The following CDC42BPB variants were observed in gnomAD, a reference collection of about 807,000 sequenced individuals.
The protein encoded by CDC42BPB is CDC42 binding protein kinase beta.
A neutral mutation model predicts 214.9 loss-of-function variants in CDC42BPB; 37 were observed. That is an observed-to-expected ratio of 0.17 (90% CI 0.13 to 0.23). The LOEUF is 0.23. Among genes scored for constraint, CDC42BPB ranks in the 10% least tolerant of loss-of-function variants. The pLI, the probability that CDC42BPB is intolerant of heterozygous loss-of-function variation, is 1.00. For synonymous variants in CDC42BPB, 931 were observed against 884.0 expected (o/e 1.05, Z -0.94); for missense variants, 1,694 against 2,227.0 (o/e 0.76, Z 4.82).
In CDC42BPB at chr14:102,974,038, TGCCGGACCACGCGGTGCTGCTTCTCCA is replaced by T. The variant is rs1893613962; in HGVS notation, c.1592_1618del (p.Leu531_Arg539del). 1 of 1,611,180 alleles carries T rather than the reference TGCCGGACCACGCGGTGCTGCTTCTCCA, an allele frequency of 6.2e-7. No homozygotes were observed. Among genetic ancestry groups the T allele is most frequent in the Admixed American group, 1.7e-5 (1 of 58,872 alleles). Reference sequence around the variant, plus strand: ...TACCTTGTGCAGCTCCTCCTTCTCCTGCCGGACCACGCGGTGCTGCTTCTCCAGCCCCCGCAGCCGCTGCGTGGAGTC... The same window carrying T: ...TACCTTGTGCAGCTCCTCCTTCTCCTGCCCCCGCAGCCGCTGCGTGGAGTC... On this transcript the variant is annotated inframe_deletion, in exon 12 of 37. Transcript: ENST00000361246.
At position 102,944,053 on chromosome 14, in the gene CDC42BPB, G is replaced by A. The variant is rs1326806291; in HGVS notation, c.4246C>T (p.Leu1416Phe). Residue 1416 changes from leucine (L) to phenylalanine (F), a missense_variant, in exon 30 of 37, where the codon CTT becomes TTT. Leu to Phe is a conservative substitution (Grantham distance 22). This residue lies in a region of CDC42BPB where 567 missense variants were observed against 790.3 expected (regional missense o/e 0.72). Coordinates refer to ENST00000361246, the MANE Select transcript of CDC42BPB (RefSeq NM_006035.4). This position sits in a 1 kb window ranked among gnomAD's most constrained non-coding sequence, Gnocchi z 6.6. ...LNLVNPNDPS[L>F]AFLSQQSFDA... ...AAAGACTGTTGTGAGAGGAACGCAAGCGAGGGGTCATTGGGATTTACCAGG... is the reference window on the plus strand; with the variant it reads ...AAAGACTGTTGTGAGAGGAACGCAAACGAGGGGTCATTGGGATTTACCAGG... 3 of 1,613,608 alleles carry A rather than the reference G, an allele frequency of 1.9e-6. No homozygotes were observed. In the South Asian group the frequency reaches 3.3e-5, roughly 18 times the overall value.
intron 6 of CDC42BPB, among the ~76,000 whole-genome samples, chr14:102,985,576 T>C (rs780417446): frequency 6.6e-6 from 1 of 152,230 alleles, no homozygotes; most frequent in Non-Finnish European, 1.5e-5. Context: ...AACAAGAGAC[T>C]GGCTTTGTGG....
At chr14:102,935,560 C>T (rs371541183) in intron 36 of CDC42BPB, among the ~76,000 whole-genome samples, 17 of 152,134 alleles carry the variant, frequency 1.1e-4, no homozygotes, top group East Asian at 1.9e-4. Flanking sequence ...GAGGCCAAGG[C>T]GGGCAGATCA....
intron 13 of CDC42BPB, among the ~76,000 whole-genome samples, chr14:102,971,677 A>G (rs776083778): frequency 2.0e-5 from 3 of 152,210 alleles, no homozygotes; most frequent in Non-Finnish European, 2.9e-5. Context: ...AGCACAGCAT[A>G]AACACCCTCT....
In CDC42BPB at chr14:102,962,233, G is replaced by C. The variant is rs555827805; in HGVS notation, c.2821+828C>G. Among the ~76,000 whole-genome samples, 68 of 152,326 alleles carry C rather than the reference G, an allele frequency of 4.5e-4. No individual in the cohort carries two copies. The South Asian group carries it at 0.013, about 29-fold the overall frequency. On this transcript the variant is annotated intron_variant, in intron 20 of 36. Transcript: ENST00000361246. The stretch of plus-strand genomic sequence containing the variant: ...GGAACGTCACTGCACAGCCTCTGGA[G>C]GCCTGTCCGTCAGCATGCAGCAAGA...
At chr14:103,038,674 G>A (rs978314229) in intron 1 of CDC42BPB, among the ~76,000 whole-genome samples, 1 of 126,442 alleles carries the variant, frequency 7.9e-6, no homozygotes, top group African/African-American at 3.0e-5. Context: ...CTACAGGTGA[G>A]CACCACCATG....
intron 1 of CDC42BPB, among the ~76,000 whole-genome samples, chr14:103,026,875 A>G (rs1398876302): frequency 6.6e-6 from 1 of 152,078 alleles, no homozygotes; most frequent in African/African-American, 2.4e-5. Context: ...CTCATTAAAA[A>G]AAAAAAAAAA....
intron 27 of CDC42BPB, chr14:102,946,904 C>G: frequency 1.0e-6 from 1 of 983,190 alleles, no homozygotes; most frequent in Non-Finnish European, 1.2e-6. Flanking sequence ...AGATCGCTTC[C>G]TGGTCCCATT....
At chr14:103,038,593 C>T (rs1383507582) in intron 1 of CDC42BPB, among the ~76,000 whole-genome samples, 1 of 151,896 alleles carries the variant, frequency 6.6e-6, no homozygotes, top group East Asian at 1.9e-4. Context: ...GCAGCATGAG[C>T]TCGGCTTACT....
At chr14:102,976,178 T>G (rs1206535108) in intron 9 of CDC42BPB, 129 bp from the exon 10 acceptor site, 2 of 1,462,026 alleles carry the variant, frequency 1.4e-6, no homozygotes, top group African/African-American at 2.8e-5. Flanking sequence ...GATAAGACTT[T>G]ATGGTTTATG....
At chr14:103,040,694 G>C (rs539930574) in intron 1 of CDC42BPB, among the ~76,000 whole-genome samples, 1 of 152,236 alleles carries the variant, frequency 6.6e-6, no homozygotes, top group Admixed American at 6.5e-5. Context: ...CTAACCTCAG[G>C]TGATCCGCCC....
At position 102,933,497 on chromosome 14, in the gene CDC42BPB, G is replaced by A. The variant is rs1383078908; in HGVS notation, c.*215C>T. 22 of 427,382 alleles carry A rather than the reference G, an allele frequency of 5.1e-5. No homozygotes were observed. Among genetic ancestry groups the A allele is most frequent in the South Asian group, 4.0e-4 (5 of 12,478 alleles). 26.5% of individuals were successfully genotyped at this position (427,382 alleles called of 1,614,324 possible). On this transcript the variant is annotated 3_prime_UTR_variant, in exon 37 of 37. Transcript: ENST00000361246. ...CTTCATGTGCAGATGGAACAGCATCGCCTCACAGCTGTGCAGACGAACAGA... is the reference window on the plus strand; with the variant it reads ...CTTCATGTGCAGATGGAACAGCATCACCTCACAGCTGTGCAGACGAACAGA...
intron 1 of CDC42BPB, among the ~76,000 whole-genome samples, chr14:103,045,228 C>A (rs1888225258): frequency 6.6e-6 from 1 of 152,068 alleles, no homozygotes; most frequent in African/African-American, 2.4e-5. Flanking sequence ...CACCTTTGCA[C>A]CTCGCTACGT....
At chr14:102,946,318 C>T (rs1323639653) in intron 28 of CDC42BPB, 150 bp downstream of exon 28, 68 of 865,532 alleles carry the variant, frequency 7.9e-5, no homozygotes, top group Non-Finnish European at 1.0e-4. Flanking sequence ...CCACCGCACC[C>T]GGCCTCGTCT....
At chr14:103,051,518 T>C (rs1366568717) in intron 1 of CDC42BPB, among the ~76,000 whole-genome samples, 1 of 152,078 alleles carries the variant, frequency 6.6e-6, no homozygotes, top group Non-Finnish European at 1.5e-5. Flanking sequence ...AACAGTCCTG[T>C]GTGCCTGCCT....
intron 23 of CDC42BPB, 61 bp downstream of exon 23, chr14:102,954,137 T>C: frequency 1.8e-6 from 2 of 1,099,078 alleles, no homozygotes; most frequent in Non-Finnish European, 2.7e-6. Context: ...TCTAAATAAC[T>C]GAGAATAAAT....
chr14:102,950,046 T>G (rs1892413634), intron 25 of CDC42BPB, 142 bp from the exon 26 acceptor site: 4 of 1,481,212 alleles, frequency 2.7e-6, no homozygotes, highest in Non-Finnish European at 2.7e-6. Context: ...CCAAGAAGGC[T>G]CAAGGCGTTG....
At chr14:102,990,317 G>A (rs563950936) in intron 5 of CDC42BPB, among the ~76,000 whole-genome samples, 3 of 152,286 alleles carry the variant, frequency 2.0e-5, no homozygotes, top group South Asian at 2.1e-4. Context: ...CAGGTGAGGG[G>A]TGCAGTCCCA....
At chr14:102,954,451 A>G in intron 22 of CDC42BPB, 151 bp downstream of exon 22, 1 of 1,431,596 alleles carries the variant, frequency 7.0e-7, no homozygotes, top group Non-Finnish European at 9.2e-7. Context: ...AGGGACTGAC[A>G]GTTAATTCTC....
Sources: allele counts gnomAD v4.1 joint callset (sites outside exome capture counted in the v4.1 genomes callset), GRCh38; gene constraint gnomAD v4.1.1; regional missense constraint gnomAD v4.1.1; non-coding constraint Gnocchi (gnomAD v3.1); transcripts MANE v1.5; gene names NCBI Gene and HGNC (gene_info 2026-07-23, HGNC 2026-07-21).